The following PUDP variants were observed in gnomAD, a reference collection of about 807,000 sequenced individuals.
The protein encoded by PUDP is pseudouridine 5'-phosphatase.
Under a neutral mutation model 9.4 loss-of-function variants are expected in PUDP, and 8 were observed. That is an observed-to-expected ratio of 0.85 (90% CI 0.50 to 1.53). The LOEUF (loss-of-function observed/expected upper bound fraction) is 1.53. PUDP is among the 40% of genes most tolerant of loss of function. PUDP has a pLI of 0.00. For missense variants in PUDP, 188 were observed against 189.7 expected, an observed-to-expected ratio of 0.99 and a Z score of 0.05; for synonymous variants, 99 against 80.7, an observed-to-expected ratio of 1.23 and a Z score of -1.22.
At chrX:7,092,332 CA>C (rs1931443893) in intron 2 of PUDP, among the ~76,000 whole-genome samples, 1 of 112,844 alleles carries the variant, frequency 8.9e-6, no homozygotes, top group Admixed American at 9.3e-5. Flanking sequence ...CTTATGCATT[CA>C]ACAATAAGAC....
intron 1 of PUDP, among the ~76,000 whole-genome samples, chrX:7,135,253 T>C (rs1165438910): frequency 8.9e-6 from 1 of 112,207 alleles, no homozygotes; most frequent in Non-Finnish European, 1.9e-5. Context: ...TAAGGCTACT[T>C]AGGAGCATTT....
At chrX:7,037,068 G>C (rs893839848) in intron 1 of PUDP, among the ~76,000 whole-genome samples, 3 of 111,549 alleles carry the variant, frequency 2.7e-5, no homozygotes, top group African/African-American at 9.8e-5. Context: ...AAGGCCCCCG[G>C]CTGGCTCCAC....
chrX:6,782,032 G>A (rs1339700190), intron 3 of PUDP, among the ~76,000 whole-genome samples: 39 of 111,022 alleles, frequency 3.5e-4, no homozygotes, highest in Non-Finnish European at 1.1e-4. Flanking sequence ...CCATATGAAC[G>A]TTTAAGAGCC....
intron 1 of PUDP, among the ~76,000 whole-genome samples, chrX:7,140,499 T>C (rs1476118268): frequency 9.0e-6 from 1 of 111,171 alleles, no homozygotes; most frequent in Non-Finnish European, 1.9e-5. Flanking sequence ...CTTGCTCCTT[T>C]ACATTGCTTT....
intron 2 of PUDP, among the ~76,000 whole-genome samples, chrX:7,088,879 T>C (rs924378267): frequency 8.9e-6 from 1 of 112,200 alleles, no homozygotes; most frequent in Admixed American, 9.5e-5. Flanking sequence ...ACAACCTGCA[T>C]GCAAACTGCT....
At chrX:7,000,865 C>T (rs1230373701) in intron 1 of PUDP, among the ~76,000 whole-genome samples, 3 of 106,634 alleles carry the variant, frequency 2.8e-5, no homozygotes, top group African/African-American at 1.0e-4. Flanking sequence ...AAAAGTTTTC[C>T]TATTTAACAT....
chrX:6,729,073 C>T (rs1162669521), intron 3 of PUDP, among the ~76,000 whole-genome samples: 3 of 111,807 alleles, frequency 2.7e-5, no homozygotes, highest in African/African-American at 9.8e-5. Context: ...GTGTTCCTCA[C>T]ATCACATTAA....
chrX:7,130,541 C>A lies in PUDP; in HGVS notation c.61+17512G>T, dbSNP rs1024257385. 2.7e-5 allele frequency among the ~76,000 whole-genome samples: 3 copies of A among 111,553 alleles called. No homozygotes were observed. The Admixed American group carries it at 2.9e-4, about 11-fold the overall frequency. On this transcript the variant is annotated intron_variant, in intron 1 of 3. Transcript: ENST00000381077. ...TAAAATGGCTTCCAGGGGCCAGGCA[C>A]AGTGGCTCATACCTGTAATCCCAGC...
At chrX:7,011,182 ACAAT>A (rs1373205056) in intron 1 of PUDP, among the ~76,000 whole-genome samples, 1 of 112,092 alleles carries the variant, frequency 8.9e-6, no homozygotes, top group Non-Finnish European at 1.9e-5. Flanking sequence ...CCAATTGCAG[ACAAT>A]GGGGACGTCC....
intron 1 of PUDP, among the ~76,000 whole-genome samples, chrX:7,135,226 C>T (rs1206710260): frequency 3.6e-5 from 4 of 112,169 alleles, no homozygotes; most frequent in Non-Finnish European, 7.5e-5. Context: ...GTCACAGTAG[C>T]TCCTCAGGAT....
rs1189339836 is a variant in PUDP at position 6,709,891 on chromosome X, G to C, written n.129-3425C>G. ...TGATCCCAGCACTTTGGGAGGCCAA[G>C]GCAAGTGGATCACTTGAAGTCAGGA... On this transcript the variant is annotated intron_variant and non_coding_transcript_variant, in intron 1 of 2. Transcript: ENST00000438499. 3.6e-5 allele frequency among the ~76,000 whole-genome samples: 4 copies of C among 112,092 alleles called. No individual in the cohort carries two copies. The East Asian group carries it at 1.1e-3, about 31-fold the overall frequency.
intron 1 of PUDP, among the ~76,000 whole-genome samples, chrX:6,999,080 G>C (rs1929288526): frequency 9.0e-6 from 1 of 111,359 alleles, no homozygotes. Flanking sequence ...TCTGGGTACA[G>C]GGAGTGATAA....
At chrX:7,061,852 G>A (rs960309911) in intron 3 of PUDP, among the ~76,000 whole-genome samples, 16 of 111,516 alleles carry the variant, frequency 1.4e-4, no homozygotes, top group Non-Finnish European at 2.6e-4. Flanking sequence ...GACATGCTCC[G>A]TCGCTATCAG....
intron 1 of PUDP, among the ~76,000 whole-genome samples, chrX:7,026,748 T>C (rs1025312658): frequency 1.8e-5 from 2 of 112,056 alleles, no homozygotes; most frequent in African/African-American, 6.5e-5. Context: ...CCATGTTGCA[T>C]AGACCCCCCT....
chrX:6,792,299 A>G (rs1925761923), intron 3 of PUDP, among the ~76,000 whole-genome samples: 1 of 110,021 alleles, frequency 9.1e-6, no homozygotes, highest in African/African-American at 3.3e-5. Context: ...CCAAGTTCCC[A>G]GGCAGCAGAA....
intron 3 of PUDP, among the ~76,000 whole-genome samples, chrX:6,771,660 T>C: frequency 8.9e-6 from 1 of 112,464 alleles, no homozygotes; most frequent in East Asian, 2.8e-4. Flanking sequence ...GGATCTGATA[T>C]TGTTCTTCTT....
intron 3 of PUDP, among the ~76,000 whole-genome samples, chrX:6,895,314 CATA>C (rs1343423894): frequency 2.8e-5 from 3 of 105,562 alleles, no homozygotes. Context: ...ATTTATTGGA[CATA>C]ATTATTATAT....
At chrX:6,723,825 C>T (rs754070388), upstream of PUDP, among the ~76,000 whole-genome samples, 2 of 111,862 alleles carry the variant, frequency 1.8e-5, no homozygotes, top group Non-Finnish European at 3.8e-5. Flanking sequence ...GTGGCTTCAA[C>T]TGTATATATT....
At chrX:6,996,349 A>G (rs1471912804) in intron 1 of PUDP, among the ~76,000 whole-genome samples, 1 of 110,830 alleles carries the variant, frequency 9.0e-6, no homozygotes. Flanking sequence ...ATAGGTGGGA[A>G]CTACTGTGCT....
Sources: allele counts gnomAD v4.1 joint callset (sites outside exome capture counted in the v4.1 genomes callset), GRCh38; gene constraint gnomAD v4.1.1; transcripts MANE v1.5; gene names NCBI Gene and HGNC (gene_info 2026-07-23, HGNC 2026-07-21).